Variants in AP1B1 observed in about 807,000 individuals in gnomAD.
AP1B1 encodes adaptor related protein complex 1 subunit beta 1, also known as AP-1 complex subunit beta-1.
Under a neutral mutation model 104.3 loss-of-function variants are expected in AP1B1, and 36 were observed. The ratio of observed to expected loss-of-function variants is 0.35; its 90% CI spans 0.26 to 0.46. The LOEUF is 0.46. Ranked by LOEUF, AP1B1 falls within the 20% of genes least tolerant of loss-of-function variation. The probability of loss-of-function intolerance (pLI) is 1.00; values close to 1 mark genes in which losing one functional copy is unlikely to be tolerated. For synonymous variants in AP1B1, 504 were observed against 517.5 expected (o/e 0.97, Z 0.35); for missense variants, 901 against 1,247.9 (o/e 0.72, Z 4.19).
chr22:29,377,469 G>A (rs1353702091), intron 1 of AP1B1, among the ~76,000 whole-genome samples: 1 of 152,146 alleles, frequency 6.6e-6, no homozygotes, highest in Non-Finnish European at 1.5e-5. Flanking sequence ...AGTAGTAATG[G>A]TAAATGGATG....
At chr22:29,357,688 GTTTTTT>G (rs695400) in intron 5 of AP1B1, among the ~76,000 whole-genome samples, 1 of 126,124 alleles carries the variant, frequency 7.9e-6, no homozygotes, top group African/African-American at 3.1e-5. Flanking sequence ...TCAGGCAGCT[GTTTTTT>G]TTTTTTTTTT....
chr22:29,329,812 C>T (rs1407350560), intron 21 of AP1B1, 92 bp from the exon 22 acceptor site: 76 of 1,586,370 alleles, frequency 4.8e-5, no homozygotes, highest in Non-Finnish European at 6.0e-5. Flanking sequence ...CCACAGCCCC[C>T]CACCGACCAG....
In AP1B1 at chr22:29,340,871, G is replaced by C. The variant is rs746506215; in HGVS notation, c.1797-14C>G. ...GCGCTCTCACTCCTGCCGGGACACA[G>C]AAGTAGGGTGGAGGCATCAGGATGT... On this transcript the variant is annotated splice_polypyrimidine_tract_variant and intron_variant, in intron 13 of 22. Coordinates refer to ENST00000357586, the MANE Select transcript of AP1B1 (RefSeq NM_001127.4). 2.5e-6 allele frequency: 4 copies of C among 1,581,638 alleles called. No homozygotes were observed. Among genetic ancestry groups the C allele is most frequent in the Non-Finnish European group, 3.4e-6 (4 of 1,165,742 alleles).
chr22:29,351,570 A>C (rs2061874881), intron 8 of AP1B1, 135 bp downstream of exon 8: 2 of 1,215,466 alleles, frequency 1.6e-6, no homozygotes, highest in Admixed American at 5.4e-5. Context: ...ACGAAGCCCC[A>C]TGTCCCATGC....
chr22:29,351,937 C>A, intron 7 of AP1B1, 112 bp from the exon 8 acceptor site: 2 of 1,387,910 alleles, frequency 1.4e-6, no homozygotes, highest in Non-Finnish European at 1.9e-6. Context: ...AGCCTGATGT[C>A]TGTGAAGGCA....
At chr22:29,337,639 T>C (rs1200146918) in intron 16 of AP1B1, among the ~76,000 whole-genome samples, 3 of 152,262 alleles carry the variant, frequency 2.0e-5, no homozygotes, top group Non-Finnish European at 2.9e-5. Flanking sequence ...GCCTGGTTGG[T>C]CCCCTCTGGC....
At chr22:29,329,398 G>C in intron 22 of AP1B1, 1 of 1,272,334 alleles carries the variant, frequency 7.9e-7, no homozygotes, top group Non-Finnish European at 9.9e-7. Flanking sequence ...CACAGGCAGA[G>C]GAGAGAGGAG....
At chr22:29,384,562 G>A (rs1013996786) in intron 1 of AP1B1, among the ~76,000 whole-genome samples, 1 of 152,126 alleles carries the variant, frequency 6.6e-6, no homozygotes. Context: ...GCAGGTCTTC[G>A]TCAAGGATTA....
intron 9 of AP1B1, 63 bp from the exon 10 acceptor site, chr22:29,350,213 T>G: frequency 1.5e-6 from 2 of 1,326,830 alleles, no homozygotes; most frequent in Non-Finnish European, 2.2e-6. Context: ...GAGCCTCTGA[T>G]GTCCACGCCT....
chr22:29,352,712 T>C (rs1396279074), intron 7 of AP1B1, among the ~76,000 whole-genome samples: 1 of 152,142 alleles, frequency 6.6e-6, no homozygotes, highest in African/African-American at 2.4e-5. Flanking sequence ...GAGGATTGCT[T>C]GAGTCCAGGA....
intron 19 of AP1B1, 104 bp from the exon 20 acceptor site, chr22:29,330,813 A>G (rs1318611152): frequency 7.2e-6 from 7 of 970,922 alleles, no homozygotes; most frequent in Non-Finnish European, 1.1e-5. Context: ...TGCCACGTGA[A>G]AGCTGACAAC....
At chr22:29,371,153 C>A (rs1003936710) in intron 1 of AP1B1, among the ~76,000 whole-genome samples, 2 of 152,206 alleles carry the variant, frequency 1.3e-5, no homozygotes, top group African/African-American at 4.8e-5. Context: ...GCTATCTCCT[C>A]GTGTCCTTTC....
At chr22:29,363,686 G>A (rs1307095938) in intron 2 of AP1B1, among the ~76,000 whole-genome samples, 3 of 151,852 alleles carry the variant, frequency 2.0e-5, no homozygotes, top group Non-Finnish European at 2.9e-5. Context: ...TTGAGCTCAG[G>A]AGTTTGAGAT....
chr22:29,368,941 CA>C (rs148054188), intron 1 of AP1B1, among the ~76,000 whole-genome samples: 23 of 141,306 alleles, frequency 1.6e-4, no homozygotes, highest in Middle Eastern at 3.5e-3. Context: ...CCCACCCCCG[CA>C]AAAAAAAAAC....
chr22:29,357,882 T>A (rs1476574611), intron 5 of AP1B1, among the ~76,000 whole-genome samples: 4 of 151,414 alleles, frequency 2.6e-5, no homozygotes, highest in African/African-American at 4.9e-5. Context: ...GAGATGGGGT[T>A]TCACCATGTT....
At position 29,351,726 on chromosome 22, in the gene AP1B1, G is replaced by C; in HGVS notation, c.1038C>G (p.Ala346=). ...LEKLDIMIRL[A]SQANIAQVLA... ...TGACCTGGGCGATGTTGGCCTGAGAGGCCAGGCGGATCATGATGTCCAGCT... is the reference window on the plus strand; with the variant it reads ...TGACCTGGGCGATGTTGGCCTGAGACGCCAGGCGGATCATGATGTCCAGCT... The change falls in exon 8 of 23, where the codon GCC becomes GCG. Residue 346 remains alanine, a synonymous_variant. Transcript: ENST00000357586. The C allele has an allele frequency of 6.2e-7, 1 of 1,614,062 alleles. No homozygotes were observed. The highest frequency in any genetic ancestry group is 8.5e-7 in the Non-Finnish European group (1 of 1,180,026).
chr22:29,333,842 T>C (rs1016898142), intron 17 of AP1B1, among the ~76,000 whole-genome samples: 8 of 151,976 alleles, frequency 5.3e-5, no homozygotes, highest in Non-Finnish European at 7.4e-5. Context: ...GGTGGGCGGA[T>C]TGCCTGAGCT....
chr22:29,388,108 A>G (rs1488824076), intron 1 of AP1B1, among the ~76,000 whole-genome samples: 27 of 152,222 alleles, frequency 1.8e-4, no homozygotes, highest in Admixed American at 1.7e-3. Flanking sequence ...TGAGTCCGAA[A>G]GAGGAAATCA....
At chr22:29,343,012 G>A (rs1384763588) in intron 11 of AP1B1, among the ~76,000 whole-genome samples, 1 of 152,142 alleles carries the variant, frequency 6.6e-6, no homozygotes, top group Non-Finnish European at 1.5e-5. Flanking sequence ...GCCACCAGTT[G>A]CTGGCTATCC....
Sources: gnomAD v4.1 joint callset for allele counts (sites outside exome capture counted in the v4.1 genomes callset) on GRCh38, gnomAD v4.1.1 for gene constraint, MANE v1.5 for transcripts, NCBI Gene and HGNC (gene_info 2026-07-23, HGNC 2026-07-21) for gene names.